DHRSX: variants seen among roughly 807,000 people sequenced by gnomAD.
The protein encoded by DHRSX is dehydrogenase/reductase X-linked.
Under a neutral mutation model 34.0 loss-of-function variants are expected in DHRSX, and 31 were observed. The ratio of observed to expected loss-of-function variants is 0.91; its 90% CI spans 0.69 to 1.23. The LOEUF (loss-of-function observed/expected upper bound fraction) is 1.23, where lower values mean the gene tolerates loss of function less well. Ranked by LOEUF, DHRSX falls within the 50% of genes most tolerant of loss-of-function variation. DHRSX has a pLI of 0.00. For missense variants in DHRSX, 414 were observed against 428.1 expected (o/e 0.97, Z 0.29); for synonymous variants, 201 against 183.8 (o/e 1.09, Z -0.76).
At chrX:2,420,285 G>A (rs1195436928) in intron 2 of DHRSX, among the ~76,000 whole-genome samples, 1 of 151,988 alleles carries the variant, frequency 6.6e-6, no homozygotes, top group Non-Finnish European at 1.5e-5. Flanking sequence ...GCACGCGCCT[G>A]TAATCCCAGC....
At chrX:2,415,432 C>T (rs780545451) in intron 2 of DHRSX, among the ~76,000 whole-genome samples, 17 of 151,934 alleles carry the variant, frequency 1.1e-4, no homozygotes, top group African/African-American at 3.1e-4. Context: ...TCAATGAGAC[C>T]TCATCATAAC....
intron 3 of DHRSX, among the ~76,000 whole-genome samples, chrX:2,350,223 T>C (rs185745094): frequency 3.3e-5 from 5 of 150,512 alleles, no homozygotes; most frequent in Admixed American, 6.6e-5. Context: ...TGGTGGCGGG[T>C]GCCTGTAGTC....
chrX:2,443,390 C>T (rs1333263060), intron 1 of DHRSX, among the ~76,000 whole-genome samples: 2 of 151,942 alleles, frequency 1.3e-5, no homozygotes, highest in East Asian at 3.9e-4. Flanking sequence ...AAGATTCTTA[C>T]AGAAAACCAA....
rs1267337482 is a variant in DHRSX, at chrX:2,393,815, A to C, written c.286+14930T>G. On this transcript the variant is annotated intron_variant, in intron 3 of 6. Coordinates refer to ENST00000334651, the MANE Select transcript of DHRSX (RefSeq NM_145177.3). ...TCCCTGTCTCCTGCACACACGACAC[A>C]CAGGGACCTCCCCGTCTCCTGCACA... Among the ~76,000 whole-genome samples, 167 of 52,568 alleles carry C rather than the reference A, an allele frequency of 3.2e-3. 43 individuals carry two copies. Among genetic ancestry groups the C allele is most frequent in the East Asian group, 0.018 (34 of 1,908 alleles). 34.5% of individuals were successfully genotyped at this position (52,568 alleles called of 152,430 possible).
At chrX:2,400,028 C>T (rs1280875633) in intron 3 of DHRSX, among the ~76,000 whole-genome samples, 8 of 152,120 alleles carry the variant, frequency 5.3e-5, no homozygotes, top group African/African-American at 1.4e-4. Flanking sequence ...AGAGCAAGAC[C>T]TTGTCTCCAA....
chrX:2,451,233 TA>T (rs34552645), intron 1 of DHRSX, among the ~76,000 whole-genome samples: 43,751 of 135,490 alleles, frequency 0.32, 6,978 homozygotes, highest in South Asian at 0.44. Context: ...ACTCCATCTT[TA>T]AAAAAAAAAA....
intron 3 of DHRSX, among the ~76,000 whole-genome samples, chrX:2,299,287 C>T (rs960121017): frequency 6.6e-6 from 1 of 152,210 alleles, no homozygotes; most frequent in Non-Finnish European, 1.5e-5. Context: ...GAGTGTGAAT[C>T]CACAGTAACA....
At chrX:2,258,580 G>C (rs975084434) in intron 5 of DHRSX, among the ~76,000 whole-genome samples, 1 of 151,686 alleles carries the variant, frequency 6.6e-6, no homozygotes, top group African/African-American at 2.4e-5. Flanking sequence ...CTCAGGAGGA[G>C]TCAGCCACAC....
chrX:2,329,507 T>G (rs2042430795), intron 3 of DHRSX, among the ~76,000 whole-genome samples: 1 of 151,980 alleles, frequency 6.6e-6, no homozygotes, highest in Non-Finnish European at 1.5e-5. Flanking sequence ...GAATTTAGAG[T>G]AAGGATCAGG....
chrX:2,433,831 G>A (rs2043958715), intron 1 of DHRSX, among the ~76,000 whole-genome samples: 1 of 152,132 alleles, frequency 6.6e-6, no homozygotes, highest in Non-Finnish European at 1.5e-5. Flanking sequence ...CTGGAATGCA[G>A]TGGCGCAATA....
At chrX:2,305,236 G>GA (rs1745954524) in intron 3 of DHRSX, among the ~76,000 whole-genome samples, 1 of 151,934 alleles carries the variant, frequency 6.6e-6, no homozygotes, top group South Asian at 2.1e-4. Context: ...AGAGCATCAG[G>GA]AAAAATAGCT....
At chrX:2,444,000 G>A (rs1024111776) in intron 1 of DHRSX, among the ~76,000 whole-genome samples, 10 of 132,658 alleles carry the variant, frequency 7.5e-5, no homozygotes, top group South Asian at 2.7e-4. Context: ...GCGAGACTCC[G>A]TCTCAAAAAG....
At chrX:2,331,641 G>C (rs1439991041) in intron 3 of DHRSX, among the ~76,000 whole-genome samples, 6 of 151,406 alleles carry the variant, frequency 4.0e-5, no homozygotes, top group Non-Finnish European at 8.8e-5. Flanking sequence ...GTAGAGATGG[G>C]GTTTCACCAT....
chrX:2,485,643 A>AGGAGGGAGGGAGGAGAGGGAG (rs2044876794), intron 1 of DHRSX, among the ~76,000 whole-genome samples: 1 of 62,312 alleles, frequency 1.6e-5, no homozygotes, highest in Admixed American at 1.7e-4. Flanking sequence ...AGGAGAGGGA[A>AGGAGGGAGGGAGGAGAGGGAG]GGAGGGAGGG....
At chrX:2,256,261 G>A in intron 5 of DHRSX, among the ~76,000 whole-genome samples, 1 of 149,398 alleles carries the variant, frequency 6.7e-6, no homozygotes, top group African/African-American at 2.5e-5. Flanking sequence ...CCAAAGTGCT[G>A]GGATGACAGA....
chrX:2,295,711 A>G (rs1469488173), intron 3 of DHRSX, among the ~76,000 whole-genome samples: 6 of 152,188 alleles, frequency 3.9e-5, no homozygotes, highest in Non-Finnish European at 4.4e-5. Flanking sequence ...ATTTTGTTAC[A>G]CGGCATGTGT....
At position 2,344,872 on chromosome X, in the gene DHRSX, C is replaced by CATATAT. The variant is rs775259345; in HGVS notation, c.287-53275_287-53270dup. On this transcript the variant is annotated intron_variant, in intron 3 of 6. Transcript: ENST00000334651. Reference sequence around the variant, plus strand: ...AGAACTTAAAGTATATAAAAAGAAGCATATATATATATATATATATATATA... The same window carrying CATATAT: ...AGAACTTAAAGTATATAAAAAGAAGCATATATATATATATATATATATATATATATA... Among the ~76,000 whole-genome samples, 191 of 98,322 alleles carry CATATAT rather than the reference C, an allele frequency of 1.9e-3. 2 individuals are homozygous for CATATAT. Among genetic ancestry groups the CATATAT allele is most frequent in the East Asian group, 3.0e-3 (6 of 1,996 alleles). The allele number at this position is 98,322 out of a possible 152,430, so 64.5% of individuals were successfully genotyped here. A position where few individuals can be genotyped will look rare whatever the true frequency, so the allele number is the denominator to read the frequency against.
chrX:2,321,583 CCTCT>C (rs370557844), intron 3 of DHRSX, among the ~76,000 whole-genome samples: 4,626 of 152,014 alleles, frequency 0.03, 254 homozygotes, highest in African/African-American at 0.11. Flanking sequence ...GCTCCACCCC[CCTCT>C]CTCTCTGCCC....
chrX:2,447,025 G>T (rs1376390199), intron 1 of DHRSX, among the ~76,000 whole-genome samples: 5 of 151,598 alleles, frequency 3.3e-5, no homozygotes, highest in Non-Finnish European at 5.9e-5. Context: ...TGAGGCCAAG[G>T]GACCGCCACG....
Sources: allele counts gnomAD v4.1 joint callset (sites outside exome capture counted in the v4.1 genomes callset), GRCh38; gene constraint gnomAD v4.1.1; transcripts MANE v1.5; gene names NCBI Gene and HGNC (gene_info 2026-07-23, HGNC 2026-07-21).